The following TASP1 variants were observed in gnomAD, a reference collection of about 807,000 sequenced individuals.
TASP1 encodes taspase 1.
A neutral mutation model predicts 56.6 loss-of-function variants in TASP1; 16 were observed. That is an observed-to-expected ratio of 0.28 (90% CI 0.19 to 0.43). TASP1 has a LOEUF of 0.43. Ranked by LOEUF, TASP1 falls within the 20% of genes least tolerant of loss-of-function variation. TASP1 has a pLI of 1.00. For missense variants in TASP1, 393 were observed against 511.6 expected, an observed-to-expected ratio of 0.77 and a Z score of 2.24; for synonymous variants, 179 against 184.2, an observed-to-expected ratio of 0.97 and a Z score of 0.23.
the TASP1 span, among the ~76,000 whole-genome samples, chr20:13,278,382 G>A: frequency 6.6e-6 from 1 of 152,188 alleles, no homozygotes; most frequent in African/African-American, 2.4e-5. Context: ...AGTGAAAATT[G>A]TAGCTGGGAA....
the TASP1 span, chr20:13,270,659 T>A: frequency 6.2e-7 from 1 of 1,613,910 alleles, no homozygotes; most frequent in Non-Finnish European, 8.5e-7. Flanking sequence ...TGCAAAGAGA[T>A]TTCCCCAGAT....
the TASP1 span, among the ~76,000 whole-genome samples, chr20:13,344,512 T>C: frequency 6.6e-6 from 1 of 152,142 alleles, no homozygotes; most frequent in Admixed American, 6.5e-5. Context: ...TCAGAGATTC[T>C]CAGGAGTTAA....
chr20:13,375,538 A>G, the TASP1 span, among the ~76,000 whole-genome samples: 1 of 152,210 alleles, frequency 6.6e-6, no homozygotes, highest in Admixed American at 6.5e-5. Context: ...GTGCTGCAAT[A>G]AACATATGTG....
At chr20:13,322,282 T>C in the TASP1 span, among the ~76,000 whole-genome samples, 1 of 152,194 alleles carries the variant, frequency 6.6e-6, no homozygotes, top group African/African-American at 2.4e-5. Context: ...CAGTTTGTGC[T>C]GCATCTCCTG....
the TASP1 span, among the ~76,000 whole-genome samples, chr20:13,124,981 C>T: frequency 1.2e-4 from 18 of 152,246 alleles, no homozygotes; most frequent in East Asian, 2.5e-3. Flanking sequence ...TGAGCTGTGC[C>T]GTTATTCTAA....
the TASP1 span, among the ~76,000 whole-genome samples, chr20:13,277,315 CTGATT>C: frequency 6.6e-6 from 1 of 152,196 alleles, no homozygotes; most frequent in South Asian, 2.1e-4. Context: ...TACCCAGAGA[CTGATT>C]TCATTACCAT....
chr20:13,571,500 G>A (rs1568596991), intron 6 of TASP1, among the ~76,000 whole-genome samples: 1 of 152,124 alleles, frequency 6.6e-6, no homozygotes, highest in Non-Finnish European at 1.5e-5. Flanking sequence ...AACATATCTG[G>A]AATCTGACCA....
chr20:13,477,844 G>A (rs2042997670), intron 11 of TASP1, among the ~76,000 whole-genome samples: 1 of 152,096 alleles, frequency 6.6e-6, no homozygotes, highest in African/African-American at 2.4e-5. Flanking sequence ...AAAGAAATGT[G>A]CAGACTGGTT....
At chr20:13,546,093 C>T (rs559487953) in intron 8 of TASP1, among the ~76,000 whole-genome samples, 1 of 152,130 alleles carries the variant, frequency 6.6e-6, no homozygotes, top group South Asian at 2.1e-4. Flanking sequence ...GGACTAGGTG[C>T]CATATCCTCT....
At chr20:13,359,539 G>T in the TASP1 span, among the ~76,000 whole-genome samples, 1 of 151,060 alleles carries the variant, frequency 6.6e-6, no homozygotes, top group Admixed American at 6.6e-5. Flanking sequence ...TAATCAATAC[G>T]GAGGCTACAC....
chr20:13,624,814 T>C (rs1207671001), intron 3 of TASP1, among the ~76,000 whole-genome samples: 1 of 151,968 alleles, frequency 6.6e-6, no homozygotes, highest in African/African-American at 2.4e-5. Flanking sequence ...TATAGGAAAG[T>C]ACCCATTTTA....
At chr20:13,533,057 C>T (rs1233423045) in intron 9 of TASP1, among the ~76,000 whole-genome samples, 1 of 152,132 alleles carries the variant, frequency 6.6e-6, no homozygotes, top group Non-Finnish European at 1.5e-5. Flanking sequence ...CAGCTTAGAG[C>T]AGATCAAACA....
intron 10 of TASP1, among the ~76,000 whole-genome samples, chr20:13,491,656 C>A (rs1228048057): frequency 6.6e-6 from 1 of 152,048 alleles, no homozygotes; most frequent in Non-Finnish European, 1.5e-5. Flanking sequence ...AGTTTTAGTT[C>A]CAAAAGGTAA....
the TASP1 span, among the ~76,000 whole-genome samples, chr20:13,331,723 T>C: frequency 1.3e-5 from 2 of 150,520 alleles, no homozygotes; most frequent in African/African-American, 2.5e-5. Context: ...TGGTGACTAA[T>C]ACAAATTCCT....
At chr20:13,546,748 T>C (rs1406772681) in intron 8 of TASP1, among the ~76,000 whole-genome samples, 2 of 152,230 alleles carry the variant, frequency 1.3e-5, no homozygotes, top group African/African-American at 4.8e-5. Context: ...CTGACTCACC[T>C]CTTTGGAATG....
chr20:13,506,409 T>C (rs1394882920), intron 10 of TASP1, among the ~76,000 whole-genome samples: 1 of 152,142 alleles, frequency 6.6e-6, no homozygotes, highest in Non-Finnish European at 1.5e-5. Flanking sequence ...CAGCATTGCC[T>C]TCATACCAAA....
At chr20:13,275,537 T>G in the TASP1 span, among the ~76,000 whole-genome samples, 1 of 152,208 alleles carries the variant, frequency 6.6e-6, no homozygotes, top group African/African-American at 2.4e-5. Context: ...CACCATTTAG[T>G]CAGCCAGACT....
intron 12 of TASP1, among the ~76,000 whole-genome samples, chr20:13,429,542 G>A (rs1381697342): frequency 1.3e-5 from 2 of 151,848 alleles, no homozygotes; most frequent in Admixed American, 6.6e-5. Context: ...TCAGATCAGG[G>A]GATGCCATTT....
chr20:13,264,771 C>T, the TASP1 span, among the ~76,000 whole-genome samples: 3 of 152,194 alleles, frequency 2.0e-5, no homozygotes, highest in Non-Finnish European at 4.4e-5. Flanking sequence ...GTGATTAAAA[C>T]GTGTGGATTT....
Sources: gnomAD v4.1 joint callset for allele counts (sites outside exome capture counted in the v4.1 genomes callset) on GRCh38, gnomAD v4.1.1 for gene constraint, MANE v1.5 for transcripts, NCBI Gene and HGNC (gene_info 2026-07-23, HGNC 2026-07-21) for gene names.